Variants in BPTF observed in about 807,000 individuals in gnomAD.
BPTF encodes bromodomain PHD finger transcription factor, also known as nucleosome-remodeling factor subunit BPTF.
BPTF carries 18 observed loss-of-function variants against 292.5 expected under a neutral mutation model. The ratio of observed to expected loss-of-function variants is 0.06; its 90% CI spans 0.04 to 0.09. The LOEUF is 0.09. BPTF is among the 10% of genes least tolerant of loss of function. The pLI is 1.00. For missense variants in BPTF, 2,726 were observed against 3,498.7 expected (o/e 0.78, Z 5.57); for synonymous variants, 1,225 against 1,251.9 (o/e 0.98, Z 0.45).
chr17:67,975,612 C>A (rs1439762023), intron 26 of BPTF, 160 bp from the exon 27 acceptor site: 4 of 556,302 alleles, frequency 7.2e-6, no homozygotes, highest in African/African-American at 5.8e-5. Flanking sequence ...GAAAAGTACT[C>A]TTTTGTTCTT....
chr17:67,875,423 C>A, intron 4 of BPTF: 1 of 533,914 alleles, frequency 1.9e-6, no homozygotes, highest in Non-Finnish European at 3.2e-6. Context: ...ATCCGAGAAT[C>A]TACTTGCTTT....
chr17:67,907,849 A>C (rs767204968), intron 9 of BPTF, among the ~76,000 whole-genome samples: 2 of 152,216 alleles, frequency 1.3e-5, no homozygotes, highest in Non-Finnish European at 2.9e-5. Context: ...TCTGATTCTC[A>C]GTCCATATTC....
At chr17:67,879,625 G>C (rs2060268250) in intron 4 of BPTF, among the ~76,000 whole-genome samples, 1 of 152,122 alleles carries the variant, frequency 6.6e-6, no homozygotes, top group South Asian at 2.1e-4. Context: ...CTTTGGCTAT[G>C]TGGTTTTGCA....
intron 23 of BPTF, among the ~76,000 whole-genome samples, chr17:67,950,069 A>AC (rs1290404945): frequency 2.0e-5 from 3 of 151,210 alleles, no homozygotes; most frequent in South Asian, 4.2e-4. Flanking sequence ...AAAAAAAAAA[A>AC]AAACATTTCA....
intron 3 of BPTF, among the ~76,000 whole-genome samples, 192 bp downstream of exon 3, chr17:67,866,879 C>A (rs764415539): frequency 1.3e-5 from 2 of 152,220 alleles, no homozygotes; most frequent in African/African-American, 4.8e-5. Context: ...AGTACACTTA[C>A]ACAAACCATA....
At chr17:67,907,324 C>A in intron 9 of BPTF, among the ~76,000 whole-genome samples, 1 of 140,298 alleles carries the variant, frequency 7.1e-6, no homozygotes, top group African/African-American at 2.7e-5. Flanking sequence ...GAATAATGAA[C>A]TCATTCAGCT....
chr17:67,922,355 A>G (rs138868196), intron 13 of BPTF, among the ~76,000 whole-genome samples: 114 of 152,184 alleles, frequency 7.5e-4, no homozygotes, highest in African/African-American at 2.7e-3. Context: ...TCACATCTCC[A>G]CTTTATATTG....
At position 67,825,759 on chromosome 17, in the gene BPTF, C is replaced by T; in HGVS notation, c.35C>T (p.Pro12Leu). The change falls in exon 1 of 28, where the codon CCC (proline) becomes CTC (leucine). Residue 12 changes from proline to leucine, a missense_variant. This residue lies in a region of BPTF where 31 missense variants were observed against 53.6 expected (regional missense o/e 0.58). Coordinates refer to ENST00000306378, the MANE Select transcript of BPTF (RefSeq NM_182641.4). ...CGGCGGGGCAGGCCGCCCAAGCAGC[C>T]CGCGGCTCCCGCTGCGGAGCGCTGC... ...RGRRGRPPKQ[P>L]AAPAAERCAP... 2.9e-6 allele frequency: 3 copies of T among 1,047,342 alleles called. No homozygotes were observed. The highest frequency in any genetic ancestry group is 3.4e-6 in the Non-Finnish European group (3 of 872,146). The allele number at this position is 1,047,342 out of a possible 1,614,324, so 64.9% of individuals were successfully genotyped here. A position where few individuals can be genotyped will look rare whatever the true frequency, so the allele number is the denominator to read the frequency against.
Position 67,832,310 on chromosome 17 carries a change from C to T in BPTF, c.613+5973C>T, listed in dbSNP as rs141806029. 1.1e-3 allele frequency among the ~76,000 whole-genome samples: 163 copies of T among 149,920 alleles called. 1 individual carries two copies. The highest frequency in any genetic ancestry group is 3.6e-3 in the African/African-American group (148 of 40,936). Reference sequence around the variant, plus strand: ...TGCACTTTAAAAGATCGAAGGTGACCGTATAGAAATAATTAAAATGCACGT... The same window carrying T: ...TGCACTTTAAAAGATCGAAGGTGACTGTATAGAAATAATTAAAATGCACGT... On this transcript the variant is annotated intron_variant, in intron 1 of 27. Transcript: ENST00000306378.
intron 21 of BPTF, among the ~76,000 whole-genome samples, chr17:67,947,194 T>A (rs1271047039): frequency 6.6e-6 from 1 of 152,224 alleles, no homozygotes; most frequent in Admixed American, 6.5e-5. Flanking sequence ...TGTAGTATTC[T>A]TATGAAAATG....
At chr17:67,830,351 A>G (rs1442091133) in intron 1 of BPTF, among the ~76,000 whole-genome samples, 13 of 152,236 alleles carry the variant, frequency 8.5e-5, no homozygotes, top group African/African-American at 2.9e-4. Context: ...TTAGTGATTT[A>G]TGTCCTCTAA....
rs2061148042 is a variant in BPTF, at chr17:67,892,037, G to A, written c.2055+3G>A. ...AATTATTTAAGGAGGGCAAAGAGGT[G>A]TGTTCTTTCTGTTTAAAACAAAAAT... On this transcript the variant is annotated splice_donor_region_variant and intron_variant, in intron 5 of 27. Coordinates refer to ENST00000306378, the MANE Select transcript of BPTF (RefSeq NM_182641.4). 1 of 1,548,418 alleles carries A rather than the reference G, an allele frequency of 6.5e-7. No homozygotes were observed. Among genetic ancestry groups the A allele is most frequent in the African/African-American group, 1.4e-5 (1 of 71,752 alleles).
intron 20 of BPTF, among the ~76,000 whole-genome samples, chr17:67,945,072 G>A (rs1555673734): frequency 6.6e-6 from 1 of 152,138 alleles, no homozygotes; most frequent in African/African-American, 2.4e-5. Context: ...GTCTTGCTCT[G>A]TCGCCCAGGC....
chr17:67,853,025 A>C (rs1405722898), intron 1 of BPTF, among the ~76,000 whole-genome samples: 2 of 152,294 alleles, frequency 1.3e-5, no homozygotes, highest in East Asian at 1.9e-4. Flanking sequence ...AGTCCCAGCT[A>C]CTCAGGAGGC....
chr17:67,883,516 TCTA>T (rs2060555691), intron 4 of BPTF, among the ~76,000 whole-genome samples: 1 of 152,228 alleles, frequency 6.6e-6, no homozygotes, highest in Non-Finnish European at 1.5e-5. Flanking sequence ...TCCTTCTCTC[TCTA>T]GGTAACCATG....
At chr17:67,828,266 A>C (rs1238726169) in intron 1 of BPTF, among the ~76,000 whole-genome samples, 3 of 152,040 alleles carry the variant, frequency 2.0e-5, no homozygotes, top group Non-Finnish European at 4.4e-5. Context: ...TTACCTTAAG[A>C]AATCACATGT....
chr17:67,932,559 C>T (rs933081162), intron 18 of BPTF, among the ~76,000 whole-genome samples: 4 of 152,062 alleles, frequency 2.6e-5, no homozygotes, highest in South Asian at 2.1e-4. Context: ...ATTAGCTGGG[C>T]GTGGTGCCTC....
chr17:67,845,628 G>A (rs1021060887), intron 1 of BPTF, among the ~76,000 whole-genome samples: 1 of 152,072 alleles, frequency 6.6e-6, no homozygotes, highest in Non-Finnish European at 1.5e-5. Context: ...TTAAAAATCA[G>A]TTGGGCATGG....
At chr17:67,940,311 A>G in intron 18 of BPTF, 128 bp from the exon 19 acceptor site, 1 of 873,886 alleles carries the variant, frequency 1.1e-6, no homozygotes, top group African/African-American at 1.7e-5. Context: ...ATGTATCCTT[A>G]GGCTCTGAAT....
Sources: allele counts gnomAD v4.1 joint callset (sites outside exome capture counted in the v4.1 genomes callset), GRCh38; gene constraint gnomAD v4.1.1; regional missense constraint gnomAD v4.1.1; transcripts MANE v1.5; gene names NCBI Gene and HGNC (gene_info 2026-07-23, HGNC 2026-07-21).